Variants in PLXNA4 observed in about 807,000 individuals in gnomAD.
PLXNA4 encodes the protein plexin A4, also known as plexin-A4.
PLXNA4 carries 44 observed loss-of-function variants against 191.8 expected under a neutral mutation model. The observed-to-expected ratio is 0.23, with a 90% CI of 0.18 to 0.29. The LOEUF (loss-of-function observed/expected upper bound fraction) is 0.29. Among genes scored for constraint, PLXNA4 ranks in the 10% least tolerant of loss-of-function variants. The probability of loss-of-function intolerance (pLI) is 1.00; values close to 1 mark genes in which losing one functional copy is unlikely to be tolerated. For missense variants in PLXNA4, 1,800 were observed against 2,488.8 expected, an observed-to-expected ratio of 0.72 and a Z score of 5.89; for synonymous variants, 1,082 against 1,009.5, an observed-to-expected ratio of 1.07 and a Z score of -1.36.
At position 132,508,258 on chromosome 7, in the gene PLXNA4, G is replaced by A; in HGVS notation, c.436C>T (p.Leu146Phe). The A allele has an allele frequency of 6.2e-7, 1 of 1,614,194 alleles. No homozygotes were observed. The highest frequency in any genetic ancestry group is 8.5e-7 in the Non-Finnish European group (1 of 1,180,044). ...GICKLLRLEDLFKLGEPYHKK... is the reference protein window; with the variant it reads ...GICKLLRLEDFFKLGEPYHKK... ...TGATAAGGCTCCCCCAGCTTGAAGA[G>A]GTCCTCCAGCCTCAGCAGCTTGCAG... Residue 146 changes from leucine to phenylalanine, a missense_variant, in exon 2 of 32, where the codon CTC becomes TTC. Coordinates refer to ENST00000321063, the MANE Select transcript of PLXNA4 (RefSeq NM_020911.2). This position sits in a 1 kb window ranked among gnomAD's most constrained non-coding sequence, Gnocchi z 4.4.
At chr7:132,293,676 T>C (rs905443156) in intron 4 of PLXNA4, among the ~76,000 whole-genome samples, 3 of 152,222 alleles carry the variant, frequency 2.0e-5, no homozygotes, top group Admixed American at 1.3e-4. Context: ...ATGGACAGCA[T>C]AAAGCACACA....
chr7:132,382,457 G>A (rs549389656), intron 3 of PLXNA4, among the ~76,000 whole-genome samples: 38 of 152,242 alleles, frequency 2.5e-4, no homozygotes, highest in African/African-American at 2.6e-4. Flanking sequence ...GTTCAAGCTC[G>A]CCCGGAGGGA....
intron 13 of PLXNA4, 83 bp from the exon 14 acceptor site, chr7:132,194,262 T>C: frequency 2.0e-6 from 3 of 1,501,696 alleles, no homozygotes; most frequent in South Asian, 1.4e-5. Flanking sequence ...CCCAGGTCCC[T>C]TTCTCCACAG....
chr7:132,201,861 T>G (rs902046331), intron 12 of PLXNA4, among the ~76,000 whole-genome samples: 3 of 152,264 alleles, frequency 2.0e-5, no homozygotes, highest in African/African-American at 4.8e-5. Context: ...TTACCAATGA[T>G]GATGAGTGAG....
At chr7:132,403,007 C>T (rs993660466) in intron 3 of PLXNA4, among the ~76,000 whole-genome samples, 2 of 152,254 alleles carry the variant, frequency 1.3e-5, no homozygotes, top group African/African-American at 4.8e-5. Flanking sequence ...TCCCCCACAG[C>T]TAACCTCAAG....
At chr7:132,593,311 GAA>G (rs11285211) in intron 2 of PLXNA4, among the ~76,000 whole-genome samples, 5 of 151,254 alleles carry the variant, frequency 3.3e-5, no homozygotes, top group East Asian at 3.9e-4. Flanking sequence ...TCTCACTTAG[GAA>G]AAAAAAAAAT....
At chr7:132,161,014 A>T (rs1795933587) in intron 24 of PLXNA4, among the ~76,000 whole-genome samples, 1 of 152,140 alleles carries the variant, frequency 6.6e-6, no homozygotes, top group Non-Finnish European at 1.5e-5. Context: ...CTGCTGCCTC[A>T]AGCGCTCCAT....
chr7:132,130,364 C>A lies in PLXNA4; in HGVS notation c.*115G>T. ...CAGAGAGAAAGAGAGAGAAACAGCGCTGCTCAGGGGATGCTGCTGATGCCA... is the reference window on the plus strand; with the variant it reads ...CAGAGAGAAAGAGAGAGAAACAGCGATGCTCAGGGGATGCTGCTGATGCCA... On this transcript the variant is annotated 3_prime_UTR_variant, in exon 32 of 32. Coordinates refer to ENST00000321063, the MANE Select transcript of PLXNA4 (RefSeq NM_020911.2). 7.1e-7 allele frequency: 1 copy of A among 1,416,604 alleles called. No individual in the cohort carries two copies. 87.8% of individuals were successfully genotyped at this position (1,416,604 alleles called of 1,614,324 possible). A position where few individuals can be genotyped will look rare whatever the true frequency, so the allele number is the denominator to read the frequency against.
chr7:132,627,276 T>C (rs1803397165), intron 2 of PLXNA4, among the ~76,000 whole-genome samples: 1 of 152,204 alleles, frequency 6.6e-6, no homozygotes, highest in Non-Finnish European at 1.5e-5. Context: ...TAGATACCTG[T>C]CAACTTCCTA....
intron 1 of PLXNA4, among the ~76,000 whole-genome samples, chr7:132,522,876 T>C (rs116491852): frequency 6.6e-6 from 1 of 152,088 alleles, no homozygotes; most frequent in Non-Finnish European, 1.5e-5. Flanking sequence ...CCATGATAAA[T>C]GCACAGATGT....
intron 1 of PLXNA4, among the ~76,000 whole-genome samples, chr7:132,647,395 T>G (rs1179554698): frequency 6.7e-6 from 1 of 149,512 alleles, no homozygotes; most frequent in Admixed American, 6.6e-5. Context: ...ACATATACAC[T>G]CTCAAGCACA....
chr7:132,435,947 GA>G (rs1795454612), intron 3 of PLXNA4, among the ~76,000 whole-genome samples: 1 of 152,212 alleles, frequency 6.6e-6, no homozygotes, highest in African/African-American at 2.4e-5. Context: ...GGGATAGAAA[GA>G]ACAATAGTAC....
intron 29 of PLXNA4, among the ~76,000 whole-genome samples, chr7:132,141,833 G>A (rs757500131): frequency 6.6e-6 from 1 of 152,092 alleles, no homozygotes; most frequent in Non-Finnish European, 1.5e-5. Flanking sequence ...GGGTTCAAGC[G>A]ATTCTTCTGC....
chr7:132,359,403 G>C (rs1009566742), intron 3 of PLXNA4, among the ~76,000 whole-genome samples: 2 of 151,716 alleles, frequency 1.3e-5, no homozygotes, highest in Non-Finnish European at 2.9e-5. Context: ...TTTTAGTAGA[G>C]ACGGAGTTTC....
intron 2 of PLXNA4, among the ~76,000 whole-genome samples, chr7:132,500,775 C>A (rs180941738): frequency 6.6e-6 from 1 of 152,284 alleles, no homozygotes; most frequent in Admixed American, 6.5e-5. Flanking sequence ...CTGTATATTT[C>A]TCTTTCCTTA....
chr7:132,630,861 A>G (rs761172519), intron 2 of PLXNA4, among the ~76,000 whole-genome samples: 3 of 152,172 alleles, frequency 2.0e-5, no homozygotes, highest in Non-Finnish European at 4.4e-5. Flanking sequence ...AGGAAGTAGA[A>G]ATAAATTAAG....
At chr7:132,548,306 A>C (rs1348195863) in intron 1 of PLXNA4, among the ~76,000 whole-genome samples, 2 of 152,202 alleles carry the variant, frequency 1.3e-5, no homozygotes, top group Non-Finnish European at 1.5e-5. Context: ...ATGACTGAGA[A>C]AGGATTTTTA....
intron 12 of PLXNA4, among the ~76,000 whole-genome samples, chr7:132,201,166 C>T (rs1218405478): frequency 1.3e-5 from 2 of 152,078 alleles, no homozygotes; most frequent in Non-Finnish European, 2.9e-5. Context: ...TGGCCATCTC[C>T]GAGTCAAGGA....
chr7:132,328,640 C>T (rs957995070), intron 3 of PLXNA4, among the ~76,000 whole-genome samples: 7 of 152,158 alleles, frequency 4.6e-5, no homozygotes, highest in African/African-American at 1.2e-4. Flanking sequence ...TTAGAGAGGA[C>T]GTCATGGTGG....
Sources: gnomAD v4.1 joint callset for allele counts (sites outside exome capture counted in the v4.1 genomes callset) on GRCh38, gnomAD v4.1.1 for gene constraint, Gnocchi (gnomAD v3.1) non-coding constraint, MANE v1.5 for transcripts, NCBI Gene and HGNC (gene_info 2026-07-23, HGNC 2026-07-21) for gene names.